Variants in WWOX observed in about 807,000 individuals in gnomAD.
WWOX encodes WW domain containing oxidoreductase.
A neutral mutation model predicts 46.2 loss-of-function variants in WWOX; 69 were observed. That is an observed-to-expected ratio of 1.49 (90% CI 1.23 to 1.82). The LOEUF is 1.82. Ranked by LOEUF, WWOX falls within the 40% of genes most tolerant of loss-of-function variation. WWOX has a pLI of 0.00. For missense variants in WWOX, 919 were observed against 542.6 expected (o/e 1.69, Z -6.89); for synonymous variants, 359 against 202.6 (o/e 1.77, Z -6.56).
At chr16:78,805,321 C>T (rs541720461) in intron 8 of WWOX, among the ~76,000 whole-genome samples, 2 of 152,262 alleles carry the variant, frequency 1.3e-5, no homozygotes, top group Non-Finnish European at 2.9e-5. Flanking sequence ...GGCGCCATCT[C>T]AGGATCTCGG....
intron 8 of WWOX, among the ~76,000 whole-genome samples, chr16:78,869,370 T>C (rs2044076856): frequency 6.6e-6 from 1 of 152,180 alleles, no homozygotes; most frequent in Non-Finnish European, 1.5e-5. Flanking sequence ...CTGCAACCTG[T>C]TTTTCCTACT....
At chr16:79,130,110 A>G (rs1338666240) in intron 8 of WWOX, among the ~76,000 whole-genome samples, 1 of 152,232 alleles carries the variant, frequency 6.6e-6, no homozygotes, top group Non-Finnish European at 1.5e-5. Flanking sequence ...TGTGTGTTAC[A>G]GATGAGATGT....
intron 8 of WWOX, among the ~76,000 whole-genome samples, chr16:78,568,880 G>A (rs1474838677): frequency 6.6e-6 from 1 of 152,184 alleles, no homozygotes; most frequent in Non-Finnish European, 1.5e-5. Flanking sequence ...CGTTTTACGG[G>A]CTATCAGTAG....
chr16:78,906,180 G>A (rs556317506), intron 8 of WWOX, among the ~76,000 whole-genome samples: 1 of 152,156 alleles, frequency 6.6e-6, no homozygotes, highest in African/African-American at 2.4e-5. Context: ...AGGGACATCT[G>A]GGGCAGCAGA....
chr16:78,141,543 T>A (rs2033988656), intron 4 of WWOX, among the ~76,000 whole-genome samples: 1 of 151,232 alleles, frequency 6.6e-6, no homozygotes, highest in Admixed American at 6.6e-5. Flanking sequence ...TGTGTACAAT[T>A]TTGTAGGGGA....
chr16:78,784,836 C>T (rs967710547), intron 8 of WWOX, among the ~76,000 whole-genome samples: 1 of 152,138 alleles, frequency 6.6e-6, no homozygotes, highest in African/African-American at 2.4e-5. Flanking sequence ...CCAAGGGATA[C>T]TCATGGTTGA....
intron 4 of WWOX, among the ~76,000 whole-genome samples, chr16:78,122,935 C>G (rs1019569187): frequency 6.6e-6 from 1 of 152,084 alleles, no homozygotes; most frequent in Admixed American, 6.6e-5. Context: ...AATCTAAAAG[C>G]AGAACCATCT....
intron 8 of WWOX, among the ~76,000 whole-genome samples, chr16:78,879,181 T>G (rs777844969): frequency 3.9e-5 from 6 of 152,132 alleles, no homozygotes; most frequent in Non-Finnish European, 7.3e-5. Flanking sequence ...AAGGAGCTCA[T>G]CTTTCACGGT....
chr16:79,126,611 A>C (rs893787065), intron 8 of WWOX, among the ~76,000 whole-genome samples: 1 of 152,144 alleles, frequency 6.6e-6, no homozygotes, highest in African/African-American at 2.4e-5. Flanking sequence ...GAGTCAATTA[A>C]ACCTCTTTCC....
chr16:78,646,841 C>G (rs551492903), intron 8 of WWOX, among the ~76,000 whole-genome samples: 7 of 152,274 alleles, frequency 4.6e-5, no homozygotes, highest in Admixed American at 1.3e-4. Context: ...CTCCCATCAG[C>G]CGAAACTAAC....
At position 78,922,186 on chromosome 16, in the gene WWOX, T is replaced by C. The variant is rs148334777; in HGVS notation, c.1057-289422T>C. On this transcript the variant is annotated intron_variant, in intron 8 of 8. Transcript: ENST00000566780. ...TGATCTCAGCCTCCAAGTCAACTGA[T>C]AACTGTGGTACAGTGTCCCTACCCT... 7.2e-3 allele frequency among the ~76,000 whole-genome samples: 1,094 copies of C among 152,198 alleles called. 11 individuals carry two copies. Among genetic ancestry groups the C allele is most frequent in the African/African-American group, 0.025 (1,054 of 41,516 alleles).
chr16:78,731,365 A>G (rs1248059630), intron 8 of WWOX, among the ~76,000 whole-genome samples: 1 of 152,092 alleles, frequency 6.6e-6, no homozygotes, highest in East Asian at 1.9e-4. Context: ...CTTTTTATAG[A>G]TTGCATGACT....
intron 8 of WWOX, among the ~76,000 whole-genome samples, chr16:78,919,745 G>T (rs1053607582): frequency 2.6e-5 from 4 of 152,022 alleles, no homozygotes; most frequent in Admixed American, 1.3e-4. Context: ...TCGAACTCGT[G>T]ACCTCATGAT....
At chr16:78,633,987 C>T (rs1054509899) in intron 8 of WWOX, among the ~76,000 whole-genome samples, 1 of 151,788 alleles carries the variant, frequency 6.6e-6, no homozygotes, top group Non-Finnish European at 1.5e-5. Context: ...GTCTGAGCCC[C>T]TAGAGAGACC....
At chr16:78,167,123 T>G (rs2035000120) in intron 5 of WWOX, 2 of 152,232 alleles carry the variant, frequency 1.3e-5, no homozygotes, top group African/African-American at 4.8e-5. Context: ...TTTTGCATCA[T>G]TAAATTTATC....
At chr16:78,336,698 T>A (rs1961113) in intron 5 of WWOX, among the ~76,000 whole-genome samples, 1 of 152,106 alleles carries the variant, frequency 6.6e-6, no homozygotes, top group African/African-American at 2.4e-5. Context: ...AGCTGCCATC[T>A]TTTCTAATTT....
intron 8 of WWOX, among the ~76,000 whole-genome samples, chr16:78,752,177 G>A (rs540127819): frequency 8.5e-5 from 13 of 152,260 alleles, no homozygotes; most frequent in African/African-American, 1.9e-4. Context: ...ACTTCGATGC[G>A]TACTGAAAAT....
chr16:79,201,436 C>A (rs924985698), intron 8 of WWOX, among the ~76,000 whole-genome samples: 7 of 151,522 alleles, frequency 4.6e-5, no homozygotes, highest in Non-Finnish European at 8.8e-5. Context: ...GTACACGATG[C>A]CTGAGCTGGC....
chr16:78,727,424 C>G (rs1374742843), intron 8 of WWOX, among the ~76,000 whole-genome samples: 2 of 152,118 alleles, frequency 1.3e-5, no homozygotes, highest in Non-Finnish European at 2.9e-5. Context: ...ATCAGCGTGC[C>G]TTTGACACTG....
Sources: gnomAD v4.1 joint callset for allele counts (sites outside exome capture counted in the v4.1 genomes callset) on GRCh38, gnomAD v4.1.1 for gene constraint, MANE v1.5 for transcripts, NCBI Gene and HGNC (gene_info 2026-07-23, HGNC 2026-07-21) for gene names.